Variants in PRMT9 observed in about 807,000 individuals in gnomAD.
PRMT9 encodes protein arginine methyltransferase 9.
A neutral mutation model predicts 83.2 loss-of-function variants in PRMT9; 59 were observed. That is an observed-to-expected ratio of 0.71 (90% CI 0.57 to 0.88). The LOEUF (loss-of-function observed/expected upper bound fraction) is 0.88, where lower values mean the gene tolerates loss of function less well. Ranked by LOEUF, PRMT9 falls within the 40% of genes least tolerant of loss-of-function variation. The probability of loss-of-function intolerance (pLI) is 0.00; values close to 1 mark genes in which losing one functional copy is unlikely to be tolerated. For missense variants in PRMT9, 947 were observed against 1,021.9 expected, an observed-to-expected ratio of 0.93 and a Z score of 1.00; for synonymous variants, 333 against 353.2, an observed-to-expected ratio of 0.94 and a Z score of 0.64.
chr4:147,668,199 A>C (rs1735469118), intron 6 of PRMT9, among the ~76,000 whole-genome samples: 2 of 152,156 alleles, frequency 1.3e-5, no homozygotes, highest in East Asian at 1.9e-4. Context: ...TGTAATCCCC[A>C]CAAGTTGAGG....
At chr4:147,674,015 G>A (rs952318528) in intron 2 of PRMT9, 141 bp from the exon 3 acceptor site, 8 of 708,946 alleles carry the variant, frequency 1.1e-5, no homozygotes, top group Non-Finnish European at 2.0e-5. Flanking sequence ...ACCTCTTTTG[G>A]GAAGCTGTCT....
Position 147,660,948 on chromosome 4 carries a change from T to A in PRMT9, c.1044A>T (p.Thr348=). The A allele has an allele frequency of 6.2e-7, 1 of 1,613,112 alleles. No homozygotes were observed. Among genetic ancestry groups the A allele is most frequent in the Non-Finnish European group, 8.5e-7 (1 of 1,179,138 alleles). The change falls in exon 7 of 12, where the codon ACA becomes ACT. Residue 348 remains threonine, a synonymous_variant. Transcript: ENST00000322396. ...TCTTTTCAGTTGTATAAGGTTCAAT[T>A]GTTTCTTCAGTATCTACAGAAGAAT... is the stretch of plus-strand genomic sequence containing the variant. ...PAYSSVDTEE[T]IEPYTTEKMS...
chr4:147,666,545 C>A (rs1054682123), intron 6 of PRMT9, among the ~76,000 whole-genome samples: 15 of 152,070 alleles, frequency 9.9e-5, no homozygotes, highest in African/African-American at 3.1e-4. Context: ...TATCTAGATT[C>A]TTTATTGTGT....
In PRMT9 at chr4:147,653,856, A is replaced by C; in HGVS notation, c.2041T>G (p.Ser681Ala). 6.2e-7 allele frequency: 1 copy of C among 1,609,788 alleles called. No individual in the cohort carries two copies. The highest frequency in any genetic ancestry group is 8.5e-7 in the Non-Finnish European group (1 of 1,176,442). ...AGTTATTATTTTGTGTTTTACCTGG[A>C]TATTGCAGCTTTTTCCATTATTTCC... is the stretch of plus-strand genomic sequence containing the variant. ...QQEIMEKAAISRCLLQSGGKI... is the reference protein window; with the variant it reads ...QQEIMEKAAIARCLLQSGGKI... Residue 681 changes from serine to alanine, a missense_variant, in exon 9 of 12, where the codon TCC becomes GCC. By Grantham distance (99) the Ser-to-Ala change is moderately conservative. Transcript: ENST00000322396.
At chr4:147,670,781 T>C (rs1364210739) in intron 4 of PRMT9, 38 bp from the exon 5 acceptor site, 9 of 1,280,846 alleles carry the variant, frequency 7.0e-6, no homozygotes, top group South Asian at 1.2e-5. Flanking sequence ...GTAAGTAAAA[T>C]ATCATGCTAT....
At chr4:147,666,085 T>A (rs996804697) in intron 6 of PRMT9, among the ~76,000 whole-genome samples, 1 of 152,200 alleles carries the variant, frequency 6.6e-6, no homozygotes, top group Non-Finnish European at 1.5e-5. Context: ...TATGAGAAAA[T>A]AAGATATCAA....
chr4:147,683,444 G>T (rs929773469), intron 1 of PRMT9, among the ~76,000 whole-genome samples: 1 of 152,214 alleles, frequency 6.6e-6, no homozygotes, highest in African/African-American at 2.4e-5. Flanking sequence ...AACCAGGGTA[G>T]TAAAGGGGAA....
At chr4:147,677,515 G>A (rs1049323270) in intron 2 of PRMT9, among the ~76,000 whole-genome samples, 4 of 132,718 alleles carry the variant, frequency 3.0e-5, no homozygotes, top group African/African-American at 8.4e-5. Flanking sequence ...GTGCAGTCGC[G>A]CAATTTTGGC....
chr4:147,644,636 A>C (rs1008256956), intron 9 of PRMT9, among the ~76,000 whole-genome samples: 2 of 151,578 alleles, frequency 1.3e-5, no homozygotes, highest in Non-Finnish European at 2.9e-5. Flanking sequence ...ACGGGAACCC[A>C]TACCACATGT....
chr4:147,656,533 G>A (rs188242694), intron 8 of PRMT9, among the ~76,000 whole-genome samples: 2 of 152,170 alleles, frequency 1.3e-5, no homozygotes, highest in South Asian at 2.1e-4. Flanking sequence ...AGCACTTTGG[G>A]AGGCTGAAGT....
In PRMT9 at chr4:147,638,340, G is replaced by A; in HGVS notation, c.*192C>T. 1.7e-6 allele frequency: 1 copy of A among 592,422 alleles called. No homozygotes were observed. The highest frequency in any genetic ancestry group is 3.0e-6 in the Non-Finnish European group (1 of 335,366). The allele number at this position is 592,422 out of a possible 1,614,324, so 36.7% of individuals were successfully genotyped here. ...CTAGTGATGTATCCTTTTCCAGAAAGCAAATCTGCAGCAGTATTTCTATAA... is the reference window on the plus strand; with the variant it reads ...CTAGTGATGTATCCTTTTCCAGAAAACAAATCTGCAGCAGTATTTCTATAA... On this transcript the variant is annotated 3_prime_UTR_variant, in exon 12 of 12. Coordinates refer to ENST00000322396, the MANE Select transcript of PRMT9 (RefSeq NM_138364.4).
intron 1 of PRMT9, among the ~76,000 whole-genome samples, chr4:147,682,515 T>G (rs1736553639): frequency 6.6e-6 from 1 of 151,634 alleles, no homozygotes; most frequent in African/African-American, 2.4e-5. Flanking sequence ...TTTCACCATA[T>G]TGGCCAGGCT....
intron 9 of PRMT9, among the ~76,000 whole-genome samples, chr4:147,649,932 T>C (rs1184101791): frequency 6.6e-6 from 1 of 152,178 alleles, no homozygotes; most frequent in South Asian, 2.1e-4. Flanking sequence ...GAAGACCACA[T>C]GATCATCTCA....
intron 2 of PRMT9, among the ~76,000 whole-genome samples, chr4:147,676,783 T>A (rs1736108258): frequency 6.6e-6 from 1 of 152,128 alleles, no homozygotes. Context: ...TCATAGCTCA[T>A]GTCTTTGGGC....
At chr4:147,647,711 C>T (rs543702578) in intron 9 of PRMT9, among the ~76,000 whole-genome samples, 66 of 152,040 alleles carry the variant, frequency 4.3e-4, no homozygotes, top group African/African-American at 1.4e-3. Flanking sequence ...TTAGTAGAGA[C>T]GGGGTTTCAC....
In PRMT9 at chr4:147,657,830, CAT is replaced by C. The variant is rs1734627338; in HGVS notation, c.1290_1291del (p.Cys431LeufsTer39). ...TACGGGGTAGACAGCCTGTTCCCAA[CAT>C]GTTTCCTCACTAGGACTTGTGGATA... On this transcript the variant is annotated frameshift_variant, in exon 8 of 12. Coordinates refer to ENST00000322396, the MANE Select transcript of PRMT9 (RefSeq NM_138364.4). LOFTEE classifies it high-confidence loss of function. 6.2e-7 allele frequency: 1 copy of C among 1,611,804 alleles called. No individual in the cohort carries two copies. The highest frequency in any genetic ancestry group is 8.5e-7 in the Non-Finnish European group (1 of 1,179,692).
chr4:147,679,573 C>T (rs748915188), intron 2 of PRMT9, among the ~76,000 whole-genome samples: 4 of 151,996 alleles, frequency 2.6e-5, no homozygotes, highest in Admixed American at 6.6e-5. Context: ...CATGGTGAAA[C>T]CCTGTCTCTA....
At chr4:147,656,810 A>G (rs1469493405) in intron 8 of PRMT9, among the ~76,000 whole-genome samples, 2 of 150,534 alleles carry the variant, frequency 1.3e-5, no homozygotes, top group Non-Finnish European at 3.0e-5. Context: ...GAAAGAAAAA[A>G]AGAAATGAGG....
At chr4:147,679,519 G>A (rs973283659) in intron 2 of PRMT9, among the ~76,000 whole-genome samples, 6 of 151,898 alleles carry the variant, frequency 4.0e-5, no homozygotes, top group Middle Eastern at 3.4e-3. Context: ...AGGCTGAGGC[G>A]GGTGGATCGC....
Sources: allele counts gnomAD v4.1 joint callset (sites outside exome capture counted in the v4.1 genomes callset), GRCh38; gene constraint gnomAD v4.1.1; transcripts MANE v1.5; gene names NCBI Gene and HGNC (gene_info 2026-07-23, HGNC 2026-07-21).